Variants in CNTNAP2 observed in about 807,000 individuals in gnomAD.
CNTNAP2 encodes contactin-associated protein-like 2.
In CNTNAP2, 98 loss-of-function variants were observed where a neutral mutation model predicts 155.2. The ratio of observed to expected loss-of-function variants is 0.63; its 90% confidence interval spans 0.54 to 0.75. CNTNAP2 has a LOEUF of 0.75. Ranked by LOEUF, CNTNAP2 falls within the 30% of genes least tolerant of loss-of-function variation. The pLI, the probability that CNTNAP2 is intolerant of heterozygous loss-of-function variation, is 0.00. For missense variants in CNTNAP2, 1,727 were observed against 1,688.1 expected (o/e 1.02, Z -0.40); for synonymous variants, 651 against 631.2 (o/e 1.03, Z -0.47).
intron 1 of CNTNAP2, among the ~76,000 whole-genome samples, chr7:146,717,594 G>C (rs181872834): frequency 6.6e-6 from 1 of 151,974 alleles, no homozygotes; most frequent in African/African-American, 2.4e-5. Context: ...TTCCATTCCT[G>C]TTTTGGCACT....
chr7:147,956,793 T>C, intron 14 of CNTNAP2, among the ~76,000 whole-genome samples: 2 of 152,256 alleles, frequency 1.3e-5, no homozygotes. Context: ...TTTTCTTTTC[T>C]TTTCTAGAAA....
chr7:147,924,143 C>CTTTTCTTTTTTTTT (rs1554450278), intron 14 of CNTNAP2, among the ~76,000 whole-genome samples: 3 of 123,494 alleles, frequency 2.4e-5, no homozygotes, highest in Admixed American at 8.6e-5. Context: ...CTTTTCTTTT[C>CTTTTCTTTTTTTTT]TTTTTTTTTT....
At chr7:146,160,217 C>G (rs188948988) in intron 1 of CNTNAP2, among the ~76,000 whole-genome samples, 15 of 152,234 alleles carry the variant, frequency 9.9e-5, no homozygotes, top group East Asian at 3.9e-4. Flanking sequence ...ATTTATAGTA[C>G]TAAGTGCCCA....
At chr7:146,644,731 A>G (rs1200660931) in intron 1 of CNTNAP2, among the ~76,000 whole-genome samples, 1 of 152,194 alleles carries the variant, frequency 6.6e-6, no homozygotes, top group African/African-American at 2.4e-5. Context: ...GAAAATCTAG[A>G]AGAAATGGAT....
At chr7:146,248,163 G>C (rs569487925) in intron 1 of CNTNAP2, among the ~76,000 whole-genome samples, 1 of 152,086 alleles carries the variant, frequency 6.6e-6, no homozygotes, top group African/African-American at 2.4e-5. Context: ...AGAGATATAA[G>C]AGGTCCGGGT....
chr7:147,075,070 G>T (rs898971940), intron 4 of CNTNAP2, among the ~76,000 whole-genome samples: 10 of 152,122 alleles, frequency 6.6e-5, no homozygotes, highest in Non-Finnish European at 1.5e-4. Context: ...TCTGATTGTT[G>T]AATATAGGCA....
chr7:146,983,595 C>A (rs969863577), intron 3 of CNTNAP2, among the ~76,000 whole-genome samples: 2 of 152,156 alleles, frequency 1.3e-5, no homozygotes, highest in Non-Finnish European at 2.9e-5. Flanking sequence ...TTTGAATCTT[C>A]TTTTTCCAGG....
intron 9 of CNTNAP2, among the ~76,000 whole-genome samples, chr7:147,374,255 A>G (rs1796397847): frequency 6.6e-6 from 1 of 152,126 alleles, no homozygotes. Context: ...TAGCCTTCTT[A>G]TAAAGAAATT....
At chr7:147,383,475 T>C (rs780079265) in intron 9 of CNTNAP2, among the ~76,000 whole-genome samples, 3 of 152,174 alleles carry the variant, frequency 2.0e-5, no homozygotes, top group Non-Finnish European at 4.4e-5. Context: ...AAAAGATACA[T>C]AGTGCTGCAA....
At chr7:148,034,987 G>A (rs900157061) in intron 15 of CNTNAP2, among the ~76,000 whole-genome samples, 2 of 152,208 alleles carry the variant, frequency 1.3e-5, no homozygotes, top group African/African-American at 4.8e-5. Context: ...ATGCCCTAGG[G>A]CTTTATGGAA....
chr7:146,244,784 C>T (rs577777627), intron 1 of CNTNAP2, among the ~76,000 whole-genome samples: 15 of 152,122 alleles, frequency 9.9e-5, no homozygotes, highest in South Asian at 6.2e-4. Context: ...GAAATGACTG[C>T]GGTGGCCTTC....
intron 13 of CNTNAP2, among the ~76,000 whole-genome samples, chr7:147,809,816 A>G (rs1432847742): frequency 6.6e-6 from 1 of 152,352 alleles, no homozygotes; most frequent in East Asian, 1.9e-4. Context: ...ATTTGTTCTC[A>G]GTTACTTGAA....
intron 11 of CNTNAP2, among the ~76,000 whole-genome samples, chr7:147,557,860 T>A (rs539952775): frequency 6.6e-6 from 1 of 152,276 alleles, no homozygotes; most frequent in East Asian, 1.9e-4. Flanking sequence ...CGCAATTACT[T>A]TTGCACCAAC....
chr7:147,027,759 T>C (rs1366513088), intron 3 of CNTNAP2, among the ~76,000 whole-genome samples: 4 of 152,114 alleles, frequency 2.6e-5, no homozygotes, highest in African/African-American at 4.8e-5. Context: ...GAAAAGCCGT[T>C]ACTGGAGAGG....
In CNTNAP2 at chr7:148,302,813, CTTTTT is replaced by C. The variant is rs59354674; in HGVS notation, c.3475+35706_3475+35710del. Among the ~76,000 whole-genome samples, 53 of 86,912 alleles carry C rather than the reference CTTTTT, an allele frequency of 6.1e-4. No homozygotes were observed. In the South Asian group the frequency reaches 0.019, roughly 31 times the overall value. The allele number at this position is 86,912 out of a possible 152,430, so 57.0% of individuals were successfully genotyped here. ...TATAAATTACTCAGTCTCGATTATT[CTTTTT>C]TTTTTTTTTTTTTTTTTTGAGATTG... On this transcript the variant is annotated intron_variant, in intron 21 of 23. Coordinates refer to ENST00000361727, the MANE Select transcript of CNTNAP2 (RefSeq NM_014141.6).
chr7:146,588,864 T>A lies in CNTNAP2; in HGVS notation c.98-185407T>A, dbSNP rs371421491. Among the ~76,000 whole-genome samples, 554 of 152,276 alleles carry A rather than the reference T, an allele frequency of 3.6e-3. 5 individuals are homozygous for A. Among genetic ancestry groups the A allele is most frequent in the African/African-American group, 0.013 (538 of 41,556 alleles). Reference sequence around the variant, plus strand: ...TGAGCTCTTTTTATAGAAATTGATGTAAGATCACAATTATTTAGTGATCTG... The same window carrying A: ...TGAGCTCTTTTTATAGAAATTGATGAAAGATCACAATTATTTAGTGATCTG... On this transcript the variant is annotated intron_variant, in intron 1 of 23. Coordinates refer to ENST00000361727, the MANE Select transcript of CNTNAP2 (RefSeq NM_014141.6).
At chr7:147,009,315 T>G (rs766200878) in intron 3 of CNTNAP2, among the ~76,000 whole-genome samples, 6 of 152,106 alleles carry the variant, frequency 3.9e-5, no homozygotes, top group Non-Finnish European at 8.8e-5. Context: ...AACATCAGAT[T>G]TATAAAAACC....
At chr7:146,185,714 A>G (rs1339200176) in intron 1 of CNTNAP2, among the ~76,000 whole-genome samples, 1 of 151,718 alleles carries the variant, frequency 6.6e-6, no homozygotes. Flanking sequence ...TTCAAAAATT[A>G]CACATATAAT....
At chr7:146,261,333 A>G (rs1240755957) in intron 1 of CNTNAP2, among the ~76,000 whole-genome samples, 1 of 151,906 alleles carries the variant, frequency 6.6e-6, no homozygotes, top group Non-Finnish European at 1.5e-5. Flanking sequence ...TTATGTGAAA[A>G]GTTCCCACAA....
Sources: gnomAD v4.1 joint callset for allele counts (sites outside exome capture counted in the v4.1 genomes callset) on GRCh38, gnomAD v4.1.1 for gene constraint, MANE v1.5 for transcripts, NCBI Gene and HGNC (gene_info 2026-07-23, HGNC 2026-07-21) for gene names.